The following DGKB variants were observed in gnomAD, a reference collection of about 807,000 sequenced individuals.
DGKB encodes the protein 90 kDa diacylglycerol kinase.
A neutral mutation model predicts 114.3 loss-of-function variants in DGKB; 67 were observed. The observed-to-expected ratio is 0.59, with a 90% CI of 0.48 to 0.72. The LOEUF is 0.72. DGKB is among the 30% of genes least tolerant of loss of function. The probability of loss-of-function intolerance (pLI) is 0.00; values close to 1 mark genes in which losing one functional copy is unlikely to be tolerated. For synonymous variants in DGKB, 398 were observed against 323.1 expected (o/e 1.23, Z -2.49); for missense variants, 907 against 975.2 (o/e 0.93, Z 0.93).
rs544694301 is a variant in DGKB, at chr7:14,790,677, C to A, written c.71-32946G>T. Among the ~76,000 whole-genome samples the A allele has an allele frequency of 5.9e-5, 9 of 152,206 alleles. No homozygotes were observed. In the South Asian group the frequency reaches 1.9e-3, roughly 32 times the overall value. On this transcript the variant is annotated intron_variant, in intron 2 of 25. Coordinates refer to ENST00000402815, the MANE Select transcript of DGKB (RefSeq NM_001350709.2). ...ATTGTTGATCTATGCTTTAATCCTG[C>A]AAATATCACAGGCTTCATTAATGTA...
intron 13 of DGKB, among the ~76,000 whole-genome samples, chr7:14,661,113 C>G (rs1458004580): frequency 2.6e-5 from 4 of 151,974 alleles, no homozygotes; most frequent in Non-Finnish European, 4.4e-5. Flanking sequence ...AGAAGAAAAC[C>G]TAGGCTTTAC....
chr7:14,610,517 A>AT (rs1394670366), intron 16 of DGKB, among the ~76,000 whole-genome samples: 2 of 152,070 alleles, frequency 1.3e-5, no homozygotes, highest in Non-Finnish European at 2.9e-5. Context: ...AATTAAAAAG[A>AT]TTTTTTTAAA....
chr7:14,321,064 G>A (rs1381452532), intron 23 of DGKB, among the ~76,000 whole-genome samples: 1 of 152,100 alleles, frequency 6.6e-6, no homozygotes. Context: ...GATGAGGCGG[G>A]CGGATGACTT....
chr7:14,817,152 C>T (rs192879890), intron 2 of DGKB, among the ~76,000 whole-genome samples: 4 of 152,230 alleles, frequency 2.6e-5, no homozygotes, highest in Admixed American at 6.6e-5. Flanking sequence ...TCATCTTCCT[C>T]GGGGATCTTG....
At position 14,968,366 on chromosome 7, in the gene DGKB, C is replaced by A. The variant is rs138756512; in HGVS notation, c.-188+6330G>T. ...ATCAAGCTAAATGTAATATTGTATT[C>A]ACAGTAAAAAATCTATGGTAATAAA... On this transcript the variant is annotated intron_variant, in intron 1 of 4. Coordinates refer to the DGKB transcript ENST00000437998. 6.6e-4 allele frequency among the ~76,000 whole-genome samples: 101 copies of A among 152,084 alleles called. 1 individual carries two copies. In the East Asian group the frequency reaches 0.012, roughly 18 times the overall value.
chr7:14,165,622 G>A (rs544898962), intron 25 of DGKB, among the ~76,000 whole-genome samples: 72 of 152,128 alleles, frequency 4.7e-4, no homozygotes, highest in African/African-American at 1.7e-3. Context: ...ATAGACTATG[G>A]GAAAAAAGTG....
intron 6 of DGKB, among the ~76,000 whole-genome samples, chr7:14,703,070 A>T (rs549333754): frequency 1.2e-3 from 187 of 152,350 alleles, no homozygotes; most frequent in Non-Finnish European, 2.2e-3. Flanking sequence ...AATAAAATGC[A>T]GAAGGAAACA....
intron 5 of DGKB, among the ~76,000 whole-genome samples, chr7:14,723,928 A>C (rs1455793612): frequency 6.6e-6 from 1 of 152,172 alleles, no homozygotes; most frequent in African/African-American, 2.4e-5. Flanking sequence ...TTAATAGATA[A>C]TTTTAATTCC....
At chr7:14,553,623 A>G (rs1377048626) in intron 20 of DGKB, among the ~76,000 whole-genome samples, 1 of 152,190 alleles carries the variant, frequency 6.6e-6, no homozygotes, top group Non-Finnish European at 1.5e-5. Flanking sequence ...ACAGGTTGAA[A>G]GTGAATATTT....
chr7:14,674,805 C>A lies in DGKB; in HGVS notation c.1036-1778G>T, dbSNP rs73680171. On this transcript the variant is annotated intron_variant, in intron 12 of 25. Transcript: ENST00000402815. Reference sequence around the variant, plus strand: ...AGGGATTGCTGGCAACCACCAGAAGCTAGGAAGAAGCAGAAAAGGATTCTT... The same window carrying A: ...AGGGATTGCTGGCAACCACCAGAAGATAGGAAGAAGCAGAAAAGGATTCTT... 1.5e-3 allele frequency among the ~76,000 whole-genome samples: 231 copies of A among 152,166 alleles called. 1 individual carries two copies. Among genetic ancestry groups the A allele is most frequent in the African/African-American group, 5.2e-3 (218 of 41,546 alleles).
At chr7:14,562,728 T>C (rs1435868095) in intron 20 of DGKB, among the ~76,000 whole-genome samples, 2 of 152,188 alleles carry the variant, frequency 1.3e-5, no homozygotes, top group Non-Finnish European at 2.9e-5. Flanking sequence ...GTACCCCCAT[T>C]GTATCTAGGA....
intron 13 of DGKB, among the ~76,000 whole-genome samples, chr7:14,656,517 C>T (rs929430017): frequency 6.6e-6 from 1 of 151,374 alleles, no homozygotes; most frequent in South Asian, 2.1e-4. Context: ...CCATAGGACA[C>T]TGCATCCTGA....
intron 8 of DGKB, among the ~76,000 whole-genome samples, chr7:14,695,510 T>TTTTTTTTTTTTTTTC (rs1823694767): frequency 7.6e-6 from 1 of 131,292 alleles, no homozygotes; most frequent in African/African-American, 3.0e-5. Flanking sequence ...TTTTTTTTTT[T>TTTTTTTTTTTTTTTC]TTTTTTTGAG....
At chr7:14,945,506 G>T (rs967376760) in intron 1 of DGKB, among the ~76,000 whole-genome samples, 3 of 151,566 alleles carry the variant, frequency 2.0e-5, no homozygotes, top group South Asian at 2.1e-4. Flanking sequence ...AACTGATCTG[G>T]TTACAAATAA....
At chr7:14,615,461 T>C (rs1444463589) in intron 15 of DGKB, among the ~76,000 whole-genome samples, 1 of 151,840 alleles carries the variant, frequency 6.6e-6, no homozygotes, top group Non-Finnish European at 1.5e-5. Context: ...TTAAGTTATA[T>C]ACTGTTATGA....
At chr7:14,258,423 A>C (rs189057332) in intron 23 of DGKB, among the ~76,000 whole-genome samples, 1 of 152,330 alleles carries the variant, frequency 6.6e-6, no homozygotes, top group Non-Finnish European at 1.5e-5. Context: ...GACTAGGAGA[A>C]TAATTAAAGA....
chr7:14,323,251 A>G (rs1244839128), intron 23 of DGKB, among the ~76,000 whole-genome samples: 1 of 152,208 alleles, frequency 6.6e-6, no homozygotes, highest in Non-Finnish European at 1.5e-5. Flanking sequence ...ACATTTATTC[A>G]TGGTGAAAAA....
At chr7:14,778,012 AT>A (rs1262245470) in intron 2 of DGKB, among the ~76,000 whole-genome samples, 1 of 152,226 alleles carries the variant, frequency 6.6e-6, no homozygotes, top group African/African-American at 2.4e-5. Flanking sequence ...TTCAGTAAAA[AT>A]GTCACATTAA....
chr7:14,857,156 A>G (rs1457468521), intron 1 of DGKB, among the ~76,000 whole-genome samples: 3 of 152,078 alleles, frequency 2.0e-5, no homozygotes, highest in Middle Eastern at 6.8e-3. Context: ...TTTAAAAATA[A>G]GGTCTAGAGG....
Sources: gnomAD v4.1 joint callset for allele counts (sites outside exome capture counted in the v4.1 genomes callset) on GRCh38, gnomAD v4.1.1 for gene constraint, MANE v1.5 for transcripts, NCBI Gene and HGNC (gene_info 2026-07-23, HGNC 2026-07-21) for gene names.